The following CDS2 variants were observed in gnomAD, a reference collection of about 807,000 sequenced individuals.
CDS2 encodes the protein phosphatidate cytidylyltransferase 2.
In CDS2, 47 loss-of-function variants were observed where a neutral mutation model predicts 59.0. The ratio of observed to expected loss-of-function variants is 0.80; its 90% confidence interval spans 0.63 to 1.02. The LOEUF is 1.02. CDS2 is among the 50% of genes least tolerant of loss of function. The pLI, the probability that CDS2 is intolerant of heterozygous loss-of-function variation, is 0.00. For synonymous variants in CDS2, 207 were observed against 206.4 expected, an observed-to-expected ratio of 1.00 and a Z score of -0.02; for missense variants, 356 against 558.9, an observed-to-expected ratio of 0.64 and a Z score of 3.66.
At chr20:5,187,401 G>GTACAA (rs2091077471) in intron 10 of CDS2, 1 of 153,866 alleles carries the variant, frequency 6.5e-6, no homozygotes, top group African/African-American at 2.4e-5. Flanking sequence ...AAGTACTGTA[G>GTACAA]TACAGTGCTT....
chr20:5,152,136 C>T (rs894576980), intron 1 of CDS2, among the ~76,000 whole-genome samples: 44 of 151,220 alleles, frequency 2.9e-4, no homozygotes, highest in African/African-American at 9.2e-4. Context: ...AAATACGCAT[C>T]GTTGGTGACA....
rs547504080 is a variant in CDS2 at position 5,189,480 on chromosome 20, C to T, written c.1102-255C>T. Among the ~76,000 whole-genome samples the T allele has an allele frequency of 5.9e-5, 9 of 152,314 alleles. No individual in the cohort carries two copies. The South Asian group carries it at 1.5e-3, about 25-fold the overall frequency. On this transcript the variant is annotated intron_variant, in intron 11 of 12. Transcript: ENST00000460006. ...TTAAGAGGCCAAGGCGGGAGGATCA[C>T]TTGAGGCTAGGAGTTAGAAAGTAGC... is the stretch of plus-strand genomic sequence containing the variant.
chr20:5,187,355 T>C (rs1285520887), intron 10 of CDS2: 2 of 165,212 alleles, frequency 1.2e-5, no homozygotes, highest in Non-Finnish European at 2.7e-5. Flanking sequence ...TAACACTCTC[T>C]ACTGAAATGG....
intron 7 of CDS2, 157 bp downstream of exon 7, chr20:5,183,300 G>C (rs1463530169): frequency 1.6e-6 from 1 of 620,156 alleles, no homozygotes. Context: ...CTGACTTTTT[G>C]ATTCATTAGA....
intron 1 of CDS2, among the ~76,000 whole-genome samples, chr20:5,127,738 C>T (rs1352155264): frequency 6.6e-6 from 1 of 151,922 alleles, no homozygotes; most frequent in Non-Finnish European, 1.5e-5. Flanking sequence ...GTTTCCTGCA[C>T]CGTGTGGGCT....
In CDS2 at chr20:5,189,152, T is replaced by G. The variant is rs770872887; in HGVS notation, c.1067T>G (p.Phe356Cys). Residue 356 changes from phenylalanine (F) to cysteine (C), a missense_variant, in exon 11 of 13, where the codon TTC (phenylalanine) becomes TGC (cysteine). Phe to Cys is a radical substitution (Grantham distance 205). Around this residue, in one of 5 missense-constraint regions of CDS2, gnomAD observed 41 missense variants for 104.4 expected, o/e 0.39. Transcript: ENST00000460006. ...ASLIGPFGGF[F>C]ASGFKRAFKI... is the part of the protein sequence containing the mutation. ...CTCATTGGCCCCTTTGGAGGATTCT[T>G]CGCAAGTGGATTCAAACGAGCCTTT... 23 of 1,614,174 alleles carry G rather than the reference T, an allele frequency of 1.4e-5. No homozygotes were observed. Among genetic ancestry groups the G allele is most frequent in the Non-Finnish European group, 1.9e-5 (22 of 1,180,008 alleles).
At chr20:5,176,460 C>T (rs2090995928) in intron 3 of CDS2, 188 bp from the exon 4 acceptor site, 2 of 572,762 alleles carry the variant, frequency 3.5e-6, no homozygotes, top group East Asian at 2.8e-5. Context: ...GATCTACTCC[C>T]TGTGACATAG....
Position 5,152,717 on chromosome 20 carries a change from C to T in CDS2, c.58-20806C>T, listed in dbSNP as rs1363540202. On this transcript the variant is annotated intron_variant, in intron 1 of 12. Transcript: ENST00000460006. ...AAGATTGCGCCATTGCACTCCAGCC[C>T]GGGTGACAAAGTGAGACTCTGTCTC... Among the ~76,000 whole-genome samples, 3 of 152,190 alleles carry T rather than the reference C, an allele frequency of 2.0e-5. No homozygotes were observed. The South Asian group carries it at 6.2e-4, about 32-fold the overall frequency.
intron 10 of CDS2, 114 bp downstream of exon 10, chr20:5,186,953 A>G: frequency 8.4e-7 from 1 of 1,194,340 alleles, no homozygotes; most frequent in Non-Finnish European, 1.2e-6. Flanking sequence ...CCAAAGCTGT[A>G]AGCCCCAGGA....
rs76039244 is a variant in CDS2, at chr20:5,162,817, A to G, written c.58-10706A>G. The stretch of plus-strand genomic sequence containing the variant: ...GCCAGTCAGGTAGAGTGAGAACCTG[A>G]TAAGTATGGTATGGAGGTAGCTGAG... On this transcript the variant is annotated intron_variant, in intron 1 of 12. Transcript: ENST00000460006. Among the ~76,000 whole-genome samples, 18 of 152,276 alleles carry G rather than the reference A, an allele frequency of 1.2e-4. No individual in the cohort carries two copies. The East Asian group carries it at 2.5e-3, about 21-fold the overall frequency.
chr20:5,139,943 G>T (rs757943276), intron 1 of CDS2, among the ~76,000 whole-genome samples: 1 of 152,128 alleles, frequency 6.6e-6, no homozygotes, highest in Non-Finnish European at 1.5e-5. Context: ...GGGATTACAG[G>T]CGCCTGCCAC....
At chr20:5,160,508 T>A (rs2090868800) in intron 1 of CDS2, among the ~76,000 whole-genome samples, 1 of 152,214 alleles carries the variant, frequency 6.6e-6, no homozygotes, top group Non-Finnish European at 1.5e-5. Context: ...TAGTAGCCAC[T>A]AGCCACATGT....
chr20:5,186,803 C>T lies in CDS2; in HGVS notation c.945C>T (p.Tyr315=). Residue 315 remains tyrosine, a synonymous_variant, in exon 10 of 13, where the codon TAC becomes TAT. Transcript: ENST00000460006. The stretch of plus-strand genomic sequence containing the variant: ...CGGACCTGTTTCGCCTGCAGGAGTA[C>T]AACATTCCTGGGGTGATCCAGTCAG... ...EPSDLFRLQE[Y]NIPGVIQSVI... is the part of the protein sequence containing the mutation. 6.2e-7 allele frequency: 1 copy of T among 1,614,124 alleles called. No homozygotes were observed.
chr20:5,149,966 C>T (rs1417164470), intron 1 of CDS2, among the ~76,000 whole-genome samples: 6 of 152,106 alleles, frequency 3.9e-5, no homozygotes, highest in East Asian at 1.9e-4. Flanking sequence ...CCACCCACTT[C>T]GGCCTCCCAA....
intron 1 of CDS2, among the ~76,000 whole-genome samples, chr20:5,148,527 T>C (rs553661960): frequency 6.6e-6 from 1 of 152,318 alleles, no homozygotes; most frequent in African/African-American, 2.4e-5. Context: ...TGATTGCTTC[T>C]GGCCAGTTTT....
chr20:5,173,180 A>AG (rs1474336689), intron 1 of CDS2, among the ~76,000 whole-genome samples: 1 of 152,266 alleles, frequency 6.6e-6, no homozygotes, highest in Non-Finnish European at 1.5e-5. Flanking sequence ...TAGCAGGCTC[A>AG]GGGATAACCT....
At chr20:5,145,172 G>C (rs1326740298) in intron 1 of CDS2, among the ~76,000 whole-genome samples, 1 of 151,590 alleles carries the variant, frequency 6.6e-6, no homozygotes, top group Non-Finnish European at 1.5e-5. Context: ...AAGATCTCTG[G>C]GCGCGTAGAT....
At chr20:5,135,268 CTGTT>C (rs1203378538) in intron 1 of CDS2, among the ~76,000 whole-genome samples, 1 of 152,178 alleles carries the variant, frequency 6.6e-6, no homozygotes, top group Non-Finnish European at 1.5e-5. Context: ...ATCCTTTAAA[CTGTT>C]TGAAAAGATT....
At chr20:5,128,918 A>C (rs967572741) in intron 1 of CDS2, among the ~76,000 whole-genome samples, 3 of 152,184 alleles carry the variant, frequency 2.0e-5, no homozygotes, top group African/African-American at 7.2e-5. Context: ...CAATAATTAG[A>C]ATGTCAAAAA....
Sources: gnomAD v4.1 joint callset for allele counts (sites outside exome capture counted in the v4.1 genomes callset) on GRCh38, gnomAD v4.1.1 for gene constraint, gnomAD v4.1.1 regional missense constraint, MANE v1.5 for transcripts, NCBI Gene and HGNC (gene_info 2026-07-23, HGNC 2026-07-21) for gene names.